LCOR: variants seen among roughly 807,000 people sequenced by gnomAD.
LCOR encodes the protein ligand-dependent corepressor.
Under a neutral mutation model 64.4 loss-of-function variants are expected in LCOR, and 14 were observed. The ratio of observed to expected loss-of-function variants is 0.22; its 90% CI spans 0.14 to 0.34. The LOEUF (loss-of-function observed/expected upper bound fraction) is 0.34. Among genes scored for constraint, LCOR ranks in the 10% least tolerant of loss-of-function variants. The pLI, the probability that LCOR is intolerant of heterozygous loss-of-function variation, is 1.00. For synonymous variants in LCOR, 643 were observed against 642.5 expected, an observed-to-expected ratio of 1.00 and a Z score of -0.01; for missense variants, 1,686 against 1,765.3, an observed-to-expected ratio of 0.96 and a Z score of 0.80.
chr10:96,869,818 G>T (rs953238044), intron 2 of LCOR, among the ~76,000 whole-genome samples: 1 of 151,912 alleles, frequency 6.6e-6, no homozygotes, highest in Non-Finnish European at 1.5e-5. Context: ...CAGGTGATCT[G>T]CCCACCTTGG....
intron 4 of LCOR, among the ~76,000 whole-genome samples, chr10:96,926,647 A>G (rs893995996): frequency 2.6e-5 from 4 of 152,202 alleles, no homozygotes; most frequent in African/African-American, 9.6e-5. Context: ...TCTAACCAGC[A>G]TAGTGAGAGA....
At chr10:96,913,881 G>T (rs1325823672) in intron 4 of LCOR, among the ~76,000 whole-genome samples, 1 of 151,802 alleles carries the variant, frequency 6.6e-6, no homozygotes, top group Non-Finnish European at 1.5e-5. Context: ...TCATGCCTGG[G>T]CGACACACAC....
At chr10:96,945,958 T>G (rs556746247) in intron 5 of LCOR, among the ~76,000 whole-genome samples, 1 of 152,048 alleles carries the variant, frequency 6.6e-6, no homozygotes, top group East Asian at 1.9e-4. Flanking sequence ...ACTTTTGGGT[T>G]ATAACCTTTA....
chr10:96,875,303 G>T (rs1846144413), intron 2 of LCOR, among the ~76,000 whole-genome samples: 1 of 152,006 alleles, frequency 6.6e-6, no homozygotes. Flanking sequence ...AGAATGGCAT[G>T]AACCCAGGAG....
chr10:96,959,430 T>C (rs1190688839), intron 7 of LCOR: 1 of 152,176 alleles, frequency 6.6e-6, no homozygotes, highest in African/African-American at 2.4e-5. Flanking sequence ...TTAAAATAAT[T>C]TTTTGCATTT....
chr10:96,971,647 A>G (rs563079367), intron 7 of LCOR, among the ~76,000 whole-genome samples: 4 of 152,352 alleles, frequency 2.6e-5, no homozygotes, highest in African/African-American at 9.6e-5. Context: ...GGTTTCATGC[A>G]GGAAAGTAAC....
In LCOR at chr10:96,933,533, C is replaced by T. The variant is rs537177391; in HGVS notation, c.-183-10580C>T. Among the ~76,000 whole-genome samples the T allele has an allele frequency of 2.6e-5, 4 of 152,208 alleles. No individual in the cohort carries two copies. In the South Asian group the frequency reaches 8.3e-4, roughly 32 times the overall value. The stretch of plus-strand genomic sequence containing the variant: ...GTTTCAATTTACAGATGGAAAGACT[C>T]TTTTTGAGATGGAGTCTCGCTCTGT... On this transcript the variant is annotated intron_variant, in intron 4 of 7. Transcript: ENST00000421806.
intron 4 of LCOR, among the ~76,000 whole-genome samples, chr10:96,931,352 G>A (rs890311217): frequency 6.6e-6 from 1 of 151,704 alleles, no homozygotes; most frequent in Non-Finnish European, 1.5e-5. Context: ...TTCTGCATCA[G>A]CTTCCTGAGT....
At position 96,944,874 on chromosome 10, in the gene LCOR, T is replaced by C. The variant is rs113830207; in HGVS notation, c.-51+629T>C. On this transcript the variant is annotated intron_variant, in intron 5 of 7. Coordinates refer to ENST00000421806, the MANE Select transcript of LCOR (RefSeq NM_001346516.2). The stretch of plus-strand genomic sequence containing the variant: ...TTTCTTTCAAAATACAGAAAAGTTC[T>C]TCAGTCATGGAGTCTTGAGGCTTAT... Among the ~76,000 whole-genome samples the C allele has an allele frequency of 5.3e-5, 8 of 152,158 alleles. No individual in the cohort carries two copies. In the East Asian group the frequency reaches 1.3e-3, roughly 26 times the overall value.
intron 4 of LCOR, among the ~76,000 whole-genome samples, chr10:96,924,373 GTTTTTGTT>G (rs1358725797): frequency 1.6e-5 from 2 of 127,982 alleles, no homozygotes; most frequent in African/African-American, 4.2e-5. Context: ...CAGCCAATTT[GTTTTTGTT>G]TGTTTGTTTG....
chr10:96,832,364 T>A lies in LCOR; in HGVS notation c.-439T>A, dbSNP rs1228216118. On this transcript the variant is annotated 5_prime_UTR_variant, in exon 1 of 8. Coordinates refer to ENST00000421806, the MANE Select transcript of LCOR (RefSeq NM_001346516.2). ...GAGAGACGCGGCTTTCGGCAAGAACTGGATTCGTGGCGCCACAAGCTCATT... is the reference window on the plus strand; with the variant it reads ...GAGAGACGCGGCTTTCGGCAAGAACAGGATTCGTGGCGCCACAAGCTCATT... The A allele has an allele frequency of 1.0e-6, 1 of 984,758 alleles. No homozygotes were observed. Among genetic ancestry groups the A allele is most frequent in the Non-Finnish European group, 1.2e-6 (1 of 829,560 alleles). 61.0% of individuals were successfully genotyped at this position (984,758 alleles called of 1,614,324 possible). A position where few individuals can be genotyped will look rare whatever the true frequency, so the allele number is the denominator to read the frequency against.
chr10:96,910,953 A>G (rs1371872157), intron 4 of LCOR, among the ~76,000 whole-genome samples: 2 of 152,240 alleles, frequency 1.3e-5, no homozygotes, highest in Non-Finnish European at 2.9e-5. Context: ...GGGAAGTAGA[A>G]CAGGGATTCA....
Position 96,910,239 on chromosome 10 carries a change from A to G in LCOR, c.-184+2492A>G, listed in dbSNP as rs559649814. ...GAAGAAAATACAGATAGAGAAAGTC[A>G]TGAAATGGTGAAGCACTTAAAACAA... is the stretch of plus-strand genomic sequence containing the variant. On this transcript the variant is annotated intron_variant, in intron 4 of 7. Transcript: ENST00000421806. Among the ~76,000 whole-genome samples the G allele has an allele frequency of 8.6e-5, 13 of 151,608 alleles. No individual in the cohort carries two copies. The East Asian group carries it at 2.5e-3, about 29-fold the overall frequency.
intron 2 of LCOR, among the ~76,000 whole-genome samples, chr10:96,887,978 G>T (rs545450584): frequency 1.3e-5 from 2 of 151,864 alleles, no homozygotes; most frequent in South Asian, 4.2e-4. Flanking sequence ...ACCACACCTG[G>T]CCTACTTTTT....
chr10:96,872,276 A>G (rs992509968), intron 2 of LCOR, among the ~76,000 whole-genome samples: 4 of 152,248 alleles, frequency 2.6e-5, no homozygotes, highest in African/African-American at 7.2e-5. Context: ...CAAATATACC[A>G]TCGGTATCAG....
chr10:96,906,418 C>A (rs1447986726), intron 2 of LCOR, among the ~76,000 whole-genome samples: 1 of 152,148 alleles, frequency 6.6e-6, no homozygotes, highest in Non-Finnish European at 1.5e-5. Context: ...TCTGTTATTT[C>A]TGGTATGTTG....
chr10:96,980,073 G>T (rs1467167197), intron 7 of LCOR, among the ~76,000 whole-genome samples: 9 of 152,142 alleles, frequency 5.9e-5, no homozygotes, highest in Admixed American at 4.6e-4. Context: ...GAACCCAGGA[G>T]GCAGAGGTTG....
chr10:96,984,476 C>G lies in LCOR; in HGVS notation c.4016C>G (p.Ala1339Gly). 1 of 1,614,186 alleles carries G rather than the reference C, an allele frequency of 6.2e-7. No individual in the cohort carries two copies. Among genetic ancestry groups the G allele is most frequent in the African/African-American group, 1.3e-5 (1 of 75,054 alleles). Residue 1339 changes from alanine to glycine, a missense_variant, in exon 8 of 8, where the codon GCT becomes GGT. Around this residue, in one of 3 missense-constraint regions of LCOR, gnomAD observed 1,293 missense variants for 1,410.4 expected, o/e 0.92. Transcript: ENST00000421806. The part of the protein sequence containing the change: ...NEKMECPDAL[A>G]VESKPSRKSV... ...AAAATGGAATGCCCAGATGCTCTGG[C>G]TGTGGAAAGTAAGCCAAGTCGTAAG...
intron 2 of LCOR, among the ~76,000 whole-genome samples, chr10:96,859,705 G>A (rs1157999564): frequency 1.3e-5 from 2 of 152,044 alleles, no homozygotes; most frequent in Non-Finnish European, 2.9e-5. Context: ...CCACAGGCGT[G>A]TGCTACCAAA....
Sources: allele counts gnomAD v4.1 joint callset (sites outside exome capture counted in the v4.1 genomes callset), GRCh38; gene constraint gnomAD v4.1.1; regional missense constraint gnomAD v4.1.1; transcripts MANE v1.5; gene names NCBI Gene and HGNC (gene_info 2026-07-23, HGNC 2026-07-21).